LHFPL3: variants seen among roughly 807,000 people sequenced by gnomAD.
LHFPL3 encodes the protein LHFPL tetraspan subfamily member 3.
A neutral mutation model predicts 19.3 loss-of-function variants in LHFPL3; 5 were observed. The ratio of observed to expected loss-of-function variants is 0.26; its 90% CI spans 0.14 to 0.54. The LOEUF (loss-of-function observed/expected upper bound fraction) is 0.54, where lower values mean the gene tolerates loss of function less well. LHFPL3 is among the 20% of genes least tolerant of loss of function. The pLI, the probability that LHFPL3 is intolerant of heterozygous loss-of-function variation, is 0.94. For missense variants in LHFPL3, 249 were observed against 307.4 expected, an observed-to-expected ratio of 0.81 and a Z score of 1.42; for synonymous variants, 133 against 126.2, an observed-to-expected ratio of 1.05 and a Z score of -0.36.
chr7:104,729,320 A>C (rs1244791470), intron 1 of LHFPL3, among the ~76,000 whole-genome samples: 1 of 152,208 alleles, frequency 6.6e-6, no homozygotes, highest in Non-Finnish European at 1.5e-5. Context: ...TTAAAACAGA[A>C]TAGTATATCC....
At chr7:104,728,812 C>G (rs1793636741) in intron 1 of LHFPL3, among the ~76,000 whole-genome samples, 1 of 152,108 alleles carries the variant, frequency 6.6e-6, no homozygotes, top group Non-Finnish European at 1.5e-5. Context: ...CACTGTATCC[C>G]TAGCACCAAG....
In LHFPL3 at chr7:104,614,929, T is replaced by G. The variant is rs1045878075; in HGVS notation, c.446-121746T>G. ...CAGTGATTGGCTAATTTTTAAAAAT[T>G]TTTTCATAGAGATAGAGGTCTCACT... On this transcript the variant is annotated intron_variant, in intron 1 of 2. Coordinates refer to ENST00000424859, the MANE Select transcript of LHFPL3 (RefSeq NM_199000.3). Among the ~76,000 whole-genome samples the G allele has an allele frequency of 2.6e-5, 4 of 151,626 alleles. No homozygotes were observed. In the East Asian group the frequency reaches 7.8e-4, roughly 29 times the overall value.
intron 1 of LHFPL3, among the ~76,000 whole-genome samples, chr7:104,575,583 A>AAAAAAAAAAAAAAG: frequency 6.7e-6 from 1 of 149,726 alleles, no homozygotes; most frequent in African/African-American, 2.5e-5. Flanking sequence ...AAAAAAAAAA[A>AAAAAAAAAAAAAAG]AAACAGAAAC....
chr7:104,878,004 T>G (rs1791981353), intron 2 of LHFPL3, among the ~76,000 whole-genome samples: 1 of 152,094 alleles, frequency 6.6e-6, no homozygotes, highest in African/African-American at 2.4e-5. Context: ...TGGCTAATTT[T>G]TCTGTATTTT....
At chr7:104,449,198 AG>A (rs1792385022) in intron 1 of LHFPL3, among the ~76,000 whole-genome samples, 1 of 152,240 alleles carries the variant, frequency 6.6e-6, no homozygotes, top group Non-Finnish European at 1.5e-5. Flanking sequence ...GCATCACACA[AG>A]GATTTCTAAC....
chr7:104,776,575 GC>G (rs1162255940), intron 2 of LHFPL3, among the ~76,000 whole-genome samples: 1 of 152,130 alleles, frequency 6.6e-6, no homozygotes, highest in Non-Finnish European at 1.5e-5. Flanking sequence ...TGGAGGTGAG[GC>G]CCAAGAATGT....
At chr7:104,600,047 C>T (rs1331950796) in intron 1 of LHFPL3, among the ~76,000 whole-genome samples, 1 of 152,180 alleles carries the variant, frequency 6.6e-6, no homozygotes, top group Non-Finnish European at 1.5e-5. Context: ...AAGTATGGCT[C>T]ATCGCTCATG....
rs1790595739 is a variant in LHFPL3, at chr7:104,587,121, T to G, written c.446-149554T>G. 4.0e-5 allele frequency among the ~76,000 whole-genome samples: 6 copies of G among 151,540 alleles called. 1 individual carries two copies. In the South Asian group the frequency reaches 1.2e-3, roughly 32 times the overall value. On this transcript the variant is annotated intron_variant, in intron 1 of 2. Coordinates refer to ENST00000424859, the MANE Select transcript of LHFPL3 (RefSeq NM_199000.3). The stretch of plus-strand genomic sequence containing the variant: ...TTTTTTATATTTTTATTTTATGTAT[T>G]TATGTATTTTTATTATACTTTAAGT...
At chr7:104,565,717 GTCTGTCTATCTATCTATCTATCTA>G (rs1451394223) in intron 1 of LHFPL3, among the ~76,000 whole-genome samples, 2 of 121,616 alleles carry the variant, frequency 1.6e-5, no homozygotes, top group African/African-American at 6.6e-5. Flanking sequence ...CTTCCTGTCT[GTCTGTCTATCTATCTATCTATCTA>G]TCTATCTATC....
chr7:104,740,420 C>T (rs773691375), intron 2 of LHFPL3, among the ~76,000 whole-genome samples: 7 of 152,176 alleles, frequency 4.6e-5, no homozygotes, highest in Non-Finnish European at 5.9e-5. Flanking sequence ...ATGATGTCTT[C>T]TTTTTGTGGC....
At chr7:104,780,332 A>G (rs1234111447) in intron 2 of LHFPL3, among the ~76,000 whole-genome samples, 5 of 152,112 alleles carry the variant, frequency 3.3e-5, no homozygotes, top group African/African-American at 9.7e-5. Context: ...TTTGGTAAGC[A>G]TATCCCCGTA....
intron 2 of LHFPL3, among the ~76,000 whole-genome samples, chr7:104,868,442 A>G (rs1791770880): frequency 6.6e-6 from 1 of 151,678 alleles, no homozygotes; most frequent in Admixed American, 6.6e-5. Context: ...ATAACAGACA[A>G]ACAGCCAAAT....
At chr7:104,364,890 T>A (rs951311171) in intron 1 of LHFPL3, among the ~76,000 whole-genome samples, 1 of 152,220 alleles carries the variant, frequency 6.6e-6, no homozygotes, top group African/African-American at 2.4e-5. Flanking sequence ...ATGTTAAAAT[T>A]TCTTTTTTAG....
In LHFPL3 at chr7:104,453,814, CT is replaced by C. The variant is rs143194482; in HGVS notation, c.445+124591del. ...TTTAAAAGTGTGCGCTGCCTCCCCCCTGCCCCACTTCCCTCACTTGCTCCTG... is the reference window on the plus strand; with the variant it reads ...TTTAAAAGTGTGCGCTGCCTCCCCCCGCCCCACTTCCCTCACTTGCTCCTG... On this transcript the variant is annotated intron_variant, in intron 1 of 2. Coordinates refer to ENST00000424859, the MANE Select transcript of LHFPL3 (RefSeq NM_199000.3). Among the ~76,000 whole-genome samples, 1,071 of 152,182 alleles carry C rather than the reference CT, an allele frequency of 7.0e-3. 12 individuals carry two copies. Among genetic ancestry groups the C allele is most frequent in the African/African-American group, 0.025 (1,020 of 41,518 alleles).
chr7:104,840,188 CTTT>C (rs1791168656), intron 2 of LHFPL3, among the ~76,000 whole-genome samples: 1 of 151,794 alleles, frequency 6.6e-6, no homozygotes, highest in Non-Finnish European at 1.5e-5. Context: ...CCCTAAACTT[CTTT>C]GACTCTAACA....
At chr7:104,851,541 C>G (rs189788940) in intron 2 of LHFPL3, among the ~76,000 whole-genome samples, 1 of 152,288 alleles carries the variant, frequency 6.6e-6, no homozygotes, top group East Asian at 1.9e-4. Context: ...GCTTATACGG[C>G]CAACGCATTG....
chr7:104,762,103 A>G (rs1438513077), intron 2 of LHFPL3, among the ~76,000 whole-genome samples: 6 of 152,218 alleles, frequency 3.9e-5, no homozygotes, highest in Admixed American at 3.9e-4. Flanking sequence ...TCACCTGAGC[A>G]GCAGGGACAT....
chr7:104,749,379 G>C (rs1041241780), intron 2 of LHFPL3, among the ~76,000 whole-genome samples: 3 of 152,220 alleles, frequency 2.0e-5, no homozygotes, highest in Admixed American at 1.3e-4. Context: ...TGAAGAGCTC[G>C]ACCTACAAAA....
At chr7:104,529,109 GC>G (rs1218682915) in intron 1 of LHFPL3, among the ~76,000 whole-genome samples, 1 of 152,110 alleles carries the variant, frequency 6.6e-6, no homozygotes, top group African/African-American at 2.4e-5. Flanking sequence ...TTCCCGAGAG[GC>G]CCAGGAGATG....
Sources: gnomAD v4.1 joint callset for allele counts (sites outside exome capture counted in the v4.1 genomes callset) on GRCh38, gnomAD v4.1.1 for gene constraint, MANE v1.5 for transcripts, NCBI Gene and HGNC (gene_info 2026-07-23, HGNC 2026-07-21) for gene names.